The following WWOX variants were observed in gnomAD, a reference collection of about 807,000 sequenced individuals.
WWOX encodes the protein WW domain containing oxidoreductase, also known as WW domain-containing oxidoreductase.
In WWOX, 69 loss-of-function variants were observed where a neutral mutation model predicts 46.2. The observed-to-expected ratio is 1.49, with a 90% CI of 1.23 to 1.82. The LOEUF (loss-of-function observed/expected upper bound fraction) is 1.82. WWOX is among the 40% of genes most tolerant of loss of function. WWOX has a pLI of 0.00. For missense variants in WWOX, 919 were observed against 542.6 expected (o/e 1.69, Z -6.89); for synonymous variants, 359 against 202.6 (o/e 1.77, Z -6.56).
chr16:78,196,126 G>T (rs964890505), intron 5 of WWOX, among the ~76,000 whole-genome samples: 1 of 152,106 alleles, frequency 6.6e-6, no homozygotes, highest in South Asian at 2.1e-4. Flanking sequence ...TACTATGATG[G>T]CCTGTCAAAT....
chr16:78,281,272 C>G (rs2079673920), intron 5 of WWOX, among the ~76,000 whole-genome samples: 1 of 152,184 alleles, frequency 6.6e-6, no homozygotes, highest in South Asian at 2.1e-4. Context: ...CCCAGTGATT[C>G]AAATACCTCC....
intron 5 of WWOX, among the ~76,000 whole-genome samples, chr16:78,371,641 C>G (rs369321682): frequency 3.4e-4 from 51 of 151,988 alleles, no homozygotes; most frequent in African/African-American, 1.1e-3. Flanking sequence ...GTTATATATT[C>G]TTGCTTAATT....
At chr16:78,809,633 T>C (rs980340036) in intron 8 of WWOX, among the ~76,000 whole-genome samples, 1 of 152,072 alleles carries the variant, frequency 6.6e-6, no homozygotes, top group Admixed American at 6.5e-5. Flanking sequence ...AAATTTAACC[T>C]AGTACACAGG....
intron 8 of WWOX, among the ~76,000 whole-genome samples, chr16:79,043,180 C>A (rs1006345236): frequency 1.3e-5 from 2 of 151,836 alleles, no homozygotes; most frequent in South Asian, 4.2e-4. Flanking sequence ...CTTTGAATGG[C>A]CACATGAGTG....
At chr16:79,081,571 GC>G (rs2048761062) in intron 8 of WWOX, among the ~76,000 whole-genome samples, 1 of 152,124 alleles carries the variant, frequency 6.6e-6, no homozygotes, top group African/African-American at 2.4e-5. Flanking sequence ...TCTTTGTGGG[GC>G]CCTGAACAAA....
chr16:78,623,549 G>T (rs191721148), intron 8 of WWOX, among the ~76,000 whole-genome samples: 1 of 151,904 alleles, frequency 6.6e-6, no homozygotes, highest in Non-Finnish European at 1.5e-5. Flanking sequence ...GCATGGTGGC[G>T]CATGCTTGTA....
intron 6 of WWOX, among the ~76,000 whole-genome samples, chr16:78,406,408 A>C (rs1488449623): frequency 1.4e-5 from 2 of 140,514 alleles, no homozygotes; most frequent in East Asian, 2.2e-4. Context: ...GCTGGAGTGC[A>C]GTGGTGCAAT....
At chr16:78,714,297 G>A (rs1411176242) in intron 8 of WWOX, among the ~76,000 whole-genome samples, 1 of 152,128 alleles carries the variant, frequency 6.6e-6, no homozygotes, top group Non-Finnish European at 1.5e-5. Context: ...CACGATCATG[G>A]CGGAAGGCAA....
At chr16:79,199,763 G>C (rs187293671) in intron 8 of WWOX, among the ~76,000 whole-genome samples, 2 of 152,170 alleles carry the variant, frequency 1.3e-5, no homozygotes, top group Admixed American at 6.5e-5. Context: ...CCCCTTGACA[G>C]TTCGAAGGTC....
intron 8 of WWOX, among the ~76,000 whole-genome samples, chr16:78,482,571 T>A (rs574009436): frequency 6.6e-6 from 1 of 152,310 alleles, no homozygotes; most frequent in African/African-American, 2.4e-5. Flanking sequence ...ATTGAATACT[T>A]ACTGGGCCCT....
intron 8 of WWOX, chr16:78,825,498 C>T (rs907515427): frequency 2.1e-6 from 1 of 481,578 alleles, no homozygotes; most frequent in African/African-American, 2.0e-5. Flanking sequence ...TGCTGTAGTT[C>T]AGAAGAGATT....
At chr16:78,993,883 C>G (rs1050225184) in intron 8 of WWOX, among the ~76,000 whole-genome samples, 1 of 152,174 alleles carries the variant, frequency 6.6e-6, no homozygotes, top group Non-Finnish European at 1.5e-5. Flanking sequence ...CTGTTCCTTT[C>G]GTGTCCGTTG....
chr16:79,145,864 A>G (rs1249789877), intron 8 of WWOX, among the ~76,000 whole-genome samples: 1 of 152,218 alleles, frequency 6.6e-6, no homozygotes, highest in Non-Finnish European at 1.5e-5. Flanking sequence ...TCAGATATTT[A>G]AGAATAAATG....
chr16:78,459,316 A>C (rs1181664789), intron 8 of WWOX, among the ~76,000 whole-genome samples: 1 of 152,222 alleles, frequency 6.6e-6, no homozygotes, highest in Non-Finnish European at 1.5e-5. Flanking sequence ...TTTATGTTTT[A>C]ACGGACATGG....
intron 8 of WWOX, among the ~76,000 whole-genome samples, chr16:78,736,914 T>G (rs1489805178): frequency 6.6e-6 from 1 of 152,108 alleles, no homozygotes; most frequent in Non-Finnish European, 1.5e-5. Context: ...CGGCCCACAA[T>G]GGTTTTCATA....
chr16:78,877,434 C>T (rs898970936), intron 8 of WWOX, among the ~76,000 whole-genome samples: 4 of 152,142 alleles, frequency 2.6e-5, no homozygotes, highest in Non-Finnish European at 5.9e-5. Context: ...TTCCACGTAG[C>T]ACCATGAGCT....
chr16:78,791,112 G>A (rs1335006230), intron 8 of WWOX, among the ~76,000 whole-genome samples: 2 of 152,092 alleles, frequency 1.3e-5, no homozygotes, highest in Admixed American at 6.5e-5. Flanking sequence ...GGAAGGGCAG[G>A]GAAGAAGGGG....
At chr16:78,491,612 G>A (rs913768947) in intron 8 of WWOX, among the ~76,000 whole-genome samples, 33 of 151,962 alleles carry the variant, frequency 2.2e-4, no homozygotes, top group African/African-American at 6.8e-4. Context: ...ACAGTTGTGC[G>A]CTACCACACC....
intron 8 of WWOX, among the ~76,000 whole-genome samples, chr16:78,516,792 T>A (rs944655380): frequency 1.3e-5 from 2 of 152,216 alleles, no homozygotes; most frequent in Non-Finnish European, 2.9e-5. Context: ...CGTGGCAAGG[T>A]ACCTGAAAAC....
Sources: allele counts gnomAD v4.1 joint callset (sites outside exome capture counted in the v4.1 genomes callset), GRCh38; gene constraint gnomAD v4.1.1; transcripts MANE v1.5; gene names NCBI Gene and HGNC (gene_info 2026-07-23, HGNC 2026-07-21).